ACBD5: variants seen among roughly 807,000 people sequenced by gnomAD.
ACBD5 encodes the protein acyl-CoA-binding domain-containing protein 5.
A neutral mutation model predicts 71.8 loss-of-function variants in ACBD5; 40 were observed. That is an observed-to-expected ratio of 0.56 (90% confidence interval 0.43 to 0.72). The LOEUF is 0.72. ACBD5 is among the 30% of genes least tolerant of loss of function. ACBD5 has a pLI of 0.00. For missense variants in ACBD5, 559 were observed against 644.5 expected (o/e 0.87, Z 1.44); for synonymous variants, 229 against 218.6 (o/e 1.05, Z -0.42).
intron 13 of ACBD5, among the ~76,000 whole-genome samples, chr10:27,189,061 A>AAT (rs2058942808): frequency 6.6e-6 from 1 of 152,198 alleles, no homozygotes; most frequent in South Asian, 2.1e-4. Flanking sequence ...TGCTGGAGAC[A>AAT]ATTCTAGAGT....
intron 4 of ACBD5, among the ~76,000 whole-genome samples, chr10:27,226,853 C>T (rs2063109184): frequency 6.6e-6 from 1 of 151,632 alleles, no homozygotes; most frequent in African/African-American, 2.4e-5. Context: ...GGGGTTTCAC[C>T]ATGTTACCCA....
intron 4 of ACBD5, among the ~76,000 whole-genome samples, chr10:27,230,653 CAGGTGT>C: frequency 6.6e-6 from 1 of 151,992 alleles, no homozygotes; most frequent in East Asian, 1.9e-4. Flanking sequence ...AAAAATTAGC[CAGGTGT>C]AGTGGTGCGC....
intron 9 of ACBD5, among the ~76,000 whole-genome samples, chr10:27,209,754 A>AC (rs1381429509): frequency 2.0e-5 from 3 of 152,304 alleles, no homozygotes; most frequent in Non-Finnish European, 4.4e-5. Context: ...AATTGGCATT[A>AC]CCCCTTATAC....
chr10:27,204,614 A>G (rs933314416), intron 11 of ACBD5, 65 bp from the exon 12 acceptor site: 11 of 1,126,974 alleles, frequency 9.8e-6, no homozygotes, highest in Admixed American at 1.8e-5. Flanking sequence ...TTAAAAACAT[A>G]CCTAATTCAT....
chr10:27,217,162 AAG>A (rs1554843697), intron 7 of ACBD5, among the ~76,000 whole-genome samples: 3 of 149,206 alleles, frequency 2.0e-5, no homozygotes, highest in African/African-American at 7.4e-5. Flanking sequence ...AAAAAAAAAA[AAG>A]ATGTTTCTCG....
chr10:27,184,554 A>ATTTTTTTTTTTT (rs752147433), intron 13 of ACBD5, among the ~76,000 whole-genome samples: 4 of 84,848 alleles, frequency 4.7e-5, no homozygotes, highest in African/African-American at 9.4e-5. Flanking sequence ...TATAAGAAGG[A>ATTTTTTTTTTTT]TTTTTTTTTT....
At chr10:27,209,875 A>T (rs2060879686) in intron 9 of ACBD5, among the ~76,000 whole-genome samples, 1 of 152,340 alleles carries the variant, frequency 6.6e-6, no homozygotes, top group East Asian at 1.9e-4. Flanking sequence ...TAGGTTATGA[A>T]ATAATTCACT....
rs752685062 is a variant in ACBD5 at position 27,204,552 on chromosome 10, G to A, written c.1456-3C>T. On this transcript the variant is annotated splice_polypyrimidine_tract_variant and splice_region_variant and intron_variant, in intron 11 of 12. Transcript: ENST00000396271. ...TCGAAGGGCCACCAAGATGGTCTCT[G>A]AGAAAATACAATAAGCTTGTCACCA... 7.5e-6 allele frequency: 12 copies of A among 1,609,066 alleles called. No homozygotes were observed. The South Asian group carries it at 1.2e-4, about 16-fold the overall frequency.
Position 27,231,728 on chromosome 10 carries a change from C to G in ACBD5, c.375+20G>C. 1.2e-6 allele frequency: 2 copies of G among 1,610,766 alleles called. No individual in the cohort carries two copies. Among genetic ancestry groups the G allele is most frequent in the Non-Finnish European group, 1.7e-6 (2 of 1,177,490 alleles). On this transcript the variant is annotated intron_variant, in intron 4 of 12. Transcript: ENST00000396271. ...GAGCTGCTCTGAATTTTCATTTTAACTGTGAATTATTTTCCCTACCTTTTT... is the reference window on the plus strand; with the variant it reads ...GAGCTGCTCTGAATTTTCATTTTAAGTGTGAATTATTTTCCCTACCTTTTT...
intron 4 of ACBD5, among the ~76,000 whole-genome samples, chr10:27,224,775 A>C (rs2062795841): frequency 6.6e-6 from 1 of 151,822 alleles, no homozygotes; most frequent in African/African-American, 2.4e-5. Context: ...TCACGCCTGT[A>C]ATCCCAGCAC....
intron 8 of ACBD5, among the ~76,000 whole-genome samples, chr10:27,211,614 C>T (rs979815614): frequency 8.5e-5 from 13 of 152,078 alleles, no homozygotes; most frequent in African/African-American, 2.7e-4. Context: ...ACCCCACGCC[C>T]GCCCAGTGAG....
intron 5 of ACBD5, among the ~76,000 whole-genome samples, chr10:27,222,865 C>A (rs1440034211): frequency 6.6e-6 from 1 of 152,204 alleles, no homozygotes; most frequent in East Asian, 1.9e-4. Context: ...AGCCACCACA[C>A]CTGGCCAACA....
intron 13 of ACBD5, among the ~76,000 whole-genome samples, chr10:27,189,900 G>GA (rs2059009140): frequency 6.6e-6 from 1 of 151,988 alleles, no homozygotes; most frequent in Non-Finnish European, 1.5e-5. Flanking sequence ...ATTCTTACAT[G>GA]AAAAATGCAA....
chr10:27,184,252 G>A (rs1196366165), intron 13 of ACBD5, among the ~76,000 whole-genome samples: 1 of 152,182 alleles, frequency 6.6e-6, no homozygotes, highest in East Asian at 1.9e-4. Context: ...GTGATGGCAC[G>A]AGACTTCTTT....
intron 2 of ACBD5, among the ~76,000 whole-genome samples, chr10:27,235,478 T>C (rs575647762): frequency 1.4e-4 from 22 of 152,328 alleles, no homozygotes; most frequent in East Asian, 1.9e-4. Context: ...ATGCTGTAGA[T>C]ATAACCAAAA....
At chr10:27,192,266 T>G (rs2059111555), downstream of ACBD5, among the ~76,000 whole-genome samples, 1 of 148,960 alleles carries the variant, frequency 6.7e-6, no homozygotes, top group African/African-American at 2.5e-5. Context: ...TAAGTCTACA[T>G]CCAAAGTAGG....
At chr10:27,191,880 C>A (rs12356360), downstream of ACBD5, among the ~76,000 whole-genome samples, 9,448 of 148,370 alleles carry the variant, frequency 0.064, 338 homozygotes, top group African/African-American at 0.099. Context: ...GAGAGGGAAA[C>A]TCTGAATCAA....
chr10:27,237,925 T>A (rs1476094934), intron 2 of ACBD5, among the ~76,000 whole-genome samples: 1 of 147,942 alleles, frequency 6.8e-6, no homozygotes, highest in Non-Finnish European at 1.5e-5. Flanking sequence ...TGATAGGGTA[T>A]CTTTTTTTTT....
chr10:27,193,540 G>A (rs1588902736), downstream of ACBD5: 1 of 152,228 alleles, frequency 6.6e-6, no homozygotes, highest in Non-Finnish European at 1.5e-5. Context: ...ATGAGAGCCA[G>A]TTCTTGCCAA....
Sources: allele counts gnomAD v4.1 joint callset (sites outside exome capture counted in the v4.1 genomes callset), GRCh38; gene constraint gnomAD v4.1.1; transcripts MANE v1.5; gene names NCBI Gene and HGNC (gene_info 2026-07-23, HGNC 2026-07-21).